SV2C: variants seen among roughly 807,000 people sequenced by gnomAD.
SV2C encodes the protein synaptic vesicle glycoprotein 2C.
Under a neutral mutation model 79.7 loss-of-function variants are expected in SV2C, and 49 were observed. The observed-to-expected ratio is 0.61, with a 90% CI of 0.49 to 0.78. The LOEUF is 0.78. Among genes scored for constraint, SV2C ranks in the 30% least tolerant of loss-of-function variants. The probability of loss-of-function intolerance (pLI) is 0.00; values close to 1 mark genes in which losing one functional copy is unlikely to be tolerated. For synonymous variants in SV2C, 334 were observed against 333.2 expected (o/e 1.00, Z -0.03); for missense variants, 833 against 912.9 (o/e 0.91, Z 1.13).
the SV2C span, among the ~76,000 whole-genome samples, chr5:75,879,065 T>A: frequency 1.3e-5 from 2 of 152,004 alleles, no homozygotes; most frequent in African/African-American, 4.8e-5. Flanking sequence ...TCAGAACGAG[T>A]TCTGTCATCG....
At chr5:75,900,554 T>C in the SV2C span, among the ~76,000 whole-genome samples, 2 of 152,192 alleles carry the variant, frequency 1.3e-5, no homozygotes, top group Admixed American at 1.3e-4. Context: ...GGAGTTGCTC[T>C]TCTCGAGGAG....
chr5:76,352,099 G>C (rs970190104), intron 12 of SV2C, among the ~76,000 whole-genome samples: 1 of 152,124 alleles, frequency 6.6e-6, no homozygotes, highest in African/African-American at 2.4e-5. Context: ...TGTAATCCCA[G>C]CTACTTGAGC....
intron 4 of SV2C, chr5:76,281,391 G>T: frequency 8.7e-6 from 2 of 228,752 alleles, no homozygotes; most frequent in Non-Finnish European, 8.6e-6. Context: ...AACTTGTTAT[G>T]CAAAGTAAAA....
At chr5:75,911,320 T>C in the SV2C span, 1 of 1,365,258 alleles carries the variant, frequency 7.3e-7, no homozygotes, top group South Asian at 1.2e-5. Flanking sequence ...GCCTTCATCA[T>C]CTGCCACAGA....
the SV2C span, among the ~76,000 whole-genome samples, chr5:75,889,840 A>T: frequency 1.3e-5 from 2 of 152,038 alleles, no homozygotes; most frequent in Non-Finnish European, 2.9e-5. Flanking sequence ...AGCTTGTCCA[A>T]GGTGCCCACT....
intron 4 of SV2C, among the ~76,000 whole-genome samples, chr5:76,267,662 A>G (rs1047185403): frequency 5.3e-5 from 8 of 152,264 alleles, no homozygotes; most frequent in African/African-American, 1.9e-4. Flanking sequence ...TAAATATACC[A>G]AAGAGAAAGG....
At chr5:75,986,239 T>A in the SV2C span, among the ~76,000 whole-genome samples, 1 of 151,576 alleles carries the variant, frequency 6.6e-6, no homozygotes, top group Non-Finnish European at 1.5e-5. Flanking sequence ...GATCTTGAGA[T>A]GGGGAGATAA....
At chr5:75,880,840 T>C in the SV2C span, among the ~76,000 whole-genome samples, 1 of 152,186 alleles carries the variant, frequency 6.6e-6, no homozygotes, top group Non-Finnish European at 1.5e-5. Flanking sequence ...ATTTTTGCAT[T>C]GCTATAAAGA....
At chr5:76,271,068 C>T (rs1350820741) in intron 4 of SV2C, among the ~76,000 whole-genome samples, 1 of 151,950 alleles carries the variant, frequency 6.6e-6, no homozygotes, top group Admixed American at 6.6e-5. Flanking sequence ...CACGTCTGAC[C>T]TAATCGCTAT....
chr5:76,315,979 G>A (rs960093452), intron 12 of SV2C, among the ~76,000 whole-genome samples: 1 of 152,150 alleles, frequency 6.6e-6, no homozygotes, highest in African/African-American at 2.4e-5. Context: ...ATATGTGAAG[G>A]TGTTAATTGC....
At chr5:76,117,040 T>A (rs1306644182) in intron 1 of SV2C, among the ~76,000 whole-genome samples, 1 of 152,178 alleles carries the variant, frequency 6.6e-6, no homozygotes, top group Non-Finnish European at 1.5e-5. Flanking sequence ...GCCTTGTCTT[T>A]CTGAATTATC....
intron 1 of SV2C, among the ~76,000 whole-genome samples, chr5:76,084,850 G>A (rs951722059): frequency 6.6e-6 from 1 of 151,992 alleles, no homozygotes; most frequent in Non-Finnish European, 1.5e-5. Context: ...GCGGCGGCGC[G>A]GGGCGGCGAG....
chr5:76,108,631 A>C (rs2112133959), intron 1 of SV2C, among the ~76,000 whole-genome samples: 1 of 152,338 alleles, frequency 6.6e-6, no homozygotes, highest in African/African-American at 2.4e-5. Context: ...CATCGAGGCC[A>C]AAAATTTTTT....
rs935290010 is a variant in SV2C at position 76,275,158 on chromosome 5, T to G, written c.914-10004T>G. Reference sequence around the variant, plus strand: ...TAAAATCTGCATTCCTACCAAAAACTATTTCATTAATAATATCACATAACC... The same window carrying G: ...TAAAATCTGCATTCCTACCAAAAACGATTTCATTAATAATATCACATAACC... On this transcript the variant is annotated intron_variant, in intron 4 of 12. Transcript: ENST00000502798. 2.0e-5 allele frequency among the ~76,000 whole-genome samples: 3 copies of G among 152,190 alleles called. No homozygotes were observed. In the South Asian group the frequency reaches 6.2e-4, roughly 31 times the overall value.
chr5:75,900,993 T>G, the SV2C span, among the ~76,000 whole-genome samples: 2 of 152,192 alleles, frequency 1.3e-5, no homozygotes, highest in Non-Finnish European at 2.9e-5. Flanking sequence ...TGTCTAAACT[T>G]TTTTCAAAGT....
At chr5:76,298,678 T>C (rs534809472) in intron 9 of SV2C, 116 bp from the exon 10 acceptor site, 3 of 1,202,506 alleles carry the variant, frequency 2.5e-6, no homozygotes, top group South Asian at 3.7e-5. Flanking sequence ...CTCTGTGTTC[T>C]TTATAATTAA....
the SV2C span, among the ~76,000 whole-genome samples, chr5:76,056,291 C>T: frequency 2.0e-4 from 30 of 152,168 alleles, no homozygotes; most frequent in African/African-American, 6.7e-4. Context: ...TGATGGAGTA[C>T]GTTTATTGAA....
upstream of SV2C, among the ~76,000 whole-genome samples, chr5:76,081,656 T>C (rs1381489790): frequency 6.6e-6 from 1 of 152,194 alleles, no homozygotes; most frequent in Admixed American, 6.5e-5. Flanking sequence ...CTGCAAAGCC[T>C]CTCACCGGAA....
chr5:76,219,679 C>T (rs74616192), intron 4 of SV2C, among the ~76,000 whole-genome samples: 16,677 of 152,112 alleles, frequency 0.11, 1,047 homozygotes, highest in African/African-American at 0.16. Context: ...GGATGCAGAT[C>T]GTCCCCACAG....
Sources: gnomAD v4.1 joint callset for allele counts (sites outside exome capture counted in the v4.1 genomes callset) on GRCh38, gnomAD v4.1.1 for gene constraint, MANE v1.5 for transcripts, NCBI Gene and HGNC (gene_info 2026-07-23, HGNC 2026-07-21) for gene names.